BRMS1L: variants seen among roughly 807,000 people sequenced by gnomAD.
BRMS1L encodes BRMS1 like transcriptional repressor, also known as breast cancer metastasis-suppressor 1-like protein.
BRMS1L carries 23 observed loss-of-function variants against 50.3 expected under a neutral mutation model. The ratio of observed to expected loss-of-function variants is 0.46; its 90% CI spans 0.33 to 0.65. BRMS1L has a LOEUF of 0.65. Among genes scored for constraint, BRMS1L ranks in the 30% least tolerant of loss-of-function variants. The probability of loss-of-function intolerance (pLI) is 0.02; values close to 1 mark genes in which losing one functional copy is unlikely to be tolerated. For synonymous variants in BRMS1L, 114 were observed against 126.9 expected (o/e 0.90, Z 0.69); for missense variants, 286 against 386.1 (o/e 0.74, Z 2.17).
At chr14:35,867,064 A>G (rs952334634) in intron 8 of BRMS1L, among the ~76,000 whole-genome samples, 4 of 152,240 alleles carry the variant, frequency 2.6e-5, no homozygotes, top group Non-Finnish European at 5.9e-5. Context: ...TTCCTTGTGT[A>G]TAGGAAGTGT....
intron 5 of BRMS1L, among the ~76,000 whole-genome samples, chr14:35,862,929 A>G (rs752332446): frequency 6.6e-5 from 10 of 152,172 alleles, no homozygotes; most frequent in African/African-American, 2.4e-4. Flanking sequence ...TATGACAGGA[A>G]CCTACTGGCA....
intron 4 of BRMS1L, among the ~76,000 whole-genome samples, chr14:35,849,491 G>T (rs1017271667): frequency 1.3e-5 from 2 of 148,192 alleles, no homozygotes; most frequent in Non-Finnish European, 1.5e-5. Flanking sequence ...TGGAGATGGG[G>T]TCATGCTGTG....
intron 4 of BRMS1L, among the ~76,000 whole-genome samples, chr14:35,858,269 C>T (rs1043930770): frequency 2.0e-5 from 3 of 152,282 alleles, no homozygotes; most frequent in African/African-American, 7.2e-5. Context: ...AGGGCTCCCT[C>T]CTGGAAGCAA....
chr14:35,836,961 T>C (rs1348875336), intron 4 of BRMS1L, among the ~76,000 whole-genome samples: 1 of 152,214 alleles, frequency 6.6e-6, no homozygotes, highest in Non-Finnish European at 1.5e-5. Context: ...TTCATATCCC[T>C]TGTAAGTTGT....
chr14:35,832,572 G>T (rs557187558), intron 2 of BRMS1L, among the ~76,000 whole-genome samples: 1 of 151,858 alleles, frequency 6.6e-6, no homozygotes, highest in South Asian at 2.1e-4. Flanking sequence ...ACGGTAGAGA[G>T]AAGCCAAGTA....
intron 4 of BRMS1L, among the ~76,000 whole-genome samples, chr14:35,851,693 A>C (rs377682795): frequency 1.3e-5 from 2 of 152,366 alleles, no homozygotes; most frequent in South Asian, 2.1e-4. Context: ...ACCCCTGTGT[A>C]CTGTTGGTGG....
At chr14:35,844,478 T>C (rs1398143938) in intron 4 of BRMS1L, among the ~76,000 whole-genome samples, 1 of 152,190 alleles carries the variant, frequency 6.6e-6, no homozygotes, top group African/African-American at 2.4e-5. Flanking sequence ...GGTGAGGTGA[T>C]GCCCTACCCT....
intron 4 of BRMS1L, among the ~76,000 whole-genome samples, chr14:35,844,420 G>A (rs1164308520): frequency 2.0e-5 from 3 of 152,140 alleles, no homozygotes; most frequent in Non-Finnish European, 4.4e-5. Context: ...GTCCCTCATG[G>A]CTCCCCTTGG....
At chr14:35,853,781 G>A (rs533653982) in intron 4 of BRMS1L, among the ~76,000 whole-genome samples, 4 of 151,988 alleles carry the variant, frequency 2.6e-5, no homozygotes, top group Non-Finnish European at 2.9e-5. Flanking sequence ...GTTCTGATTT[G>A]TCCTTTTTAA....
intron 3 of BRMS1L, among the ~76,000 whole-genome samples, chr14:35,833,759 G>A (rs953928400): frequency 1.3e-5 from 2 of 152,134 alleles, no homozygotes; most frequent in Non-Finnish European, 2.9e-5. Context: ...ACTTTAATTA[G>A]TGGAGATGCT....
chr14:35,827,899 T>C (rs2077865426), intron 1 of BRMS1L, among the ~76,000 whole-genome samples: 1 of 152,082 alleles, frequency 6.6e-6, no homozygotes, highest in African/African-American at 2.4e-5. Context: ...GGGAGAGGGA[T>C]GTAAGAAAAA....
chr14:35,865,609 G>A, intron 7 of BRMS1L, 113 bp from the exon 8 acceptor site: 1 of 810,166 alleles, frequency 1.2e-6, no homozygotes. Context: ...ATACTTTACT[G>A]TCTTTGTTAT....
intron 3 of BRMS1L, among the ~76,000 whole-genome samples, chr14:35,833,910 G>T (rs2077959049): frequency 6.6e-6 from 1 of 152,094 alleles, no homozygotes; most frequent in African/African-American, 2.4e-5. Context: ...TTATGTAGAT[G>T]ATATGATACT....
chr14:35,849,340 G>A (rs2078178657), intron 4 of BRMS1L, among the ~76,000 whole-genome samples: 1 of 152,022 alleles, frequency 6.6e-6, no homozygotes, highest in African/African-American at 2.4e-5. Flanking sequence ...TAGGCTGGAG[G>A]GCAGTGACAC....
chr14:35,850,617 G>A (rs543814827), intron 4 of BRMS1L, among the ~76,000 whole-genome samples: 2 of 152,302 alleles, frequency 1.3e-5, no homozygotes, highest in East Asian at 3.9e-4. Flanking sequence ...ATCAAAGAAA[G>A]CAGTGCCAAG....
intron 1 of BRMS1L, among the ~76,000 whole-genome samples, chr14:35,831,080 C>T (rs2077914201): frequency 6.6e-6 from 1 of 151,636 alleles, no homozygotes; most frequent in Admixed American, 6.6e-5. Flanking sequence ...GGTGAGACTA[C>T]AGGCTCATGG....
chr14:35,864,383 T>C (rs2078393658), intron 6 of BRMS1L, among the ~76,000 whole-genome samples: 1 of 152,054 alleles, frequency 6.6e-6, no homozygotes, highest in Non-Finnish European at 1.5e-5. Context: ...CACCTTAGCC[T>C]CCCAAGTAGC....
At chr14:35,832,368 A>T (rs1330692883) in intron 2 of BRMS1L, among the ~76,000 whole-genome samples, 2 of 149,446 alleles carry the variant, frequency 1.3e-5, no homozygotes, top group Non-Finnish European at 3.0e-5. Flanking sequence ...AAAAAAAAAA[A>T]ATTAGCCGGG....
At chr14:35,857,281 ATGTGTGTGTG>A (rs553372278) in intron 4 of BRMS1L, among the ~76,000 whole-genome samples, 4 of 143,074 alleles carry the variant, frequency 2.8e-5, no homozygotes, top group Non-Finnish European at 6.1e-5. Context: ...ATACATATAT[ATGTGTGTGTG>A]TGTGTGTGTG....
Sources: allele counts gnomAD v4.1 joint callset (sites outside exome capture counted in the v4.1 genomes callset), GRCh38; gene constraint gnomAD v4.1.1; transcripts MANE v1.5; gene names NCBI Gene and HGNC (gene_info 2026-07-23, HGNC 2026-07-21).